GLIS1: variants seen among roughly 807,000 people sequenced by gnomAD.
The protein encoded by GLIS1 is zinc finger protein GLIS1.
GLIS1 carries 24 observed loss-of-function variants against 63.8 expected under a neutral mutation model. The ratio of observed to expected loss-of-function variants is 0.38; its 90% CI spans 0.27 to 0.53. The LOEUF (loss-of-function observed/expected upper bound fraction) is 0.53. Ranked by LOEUF, GLIS1 falls within the 20% of genes least tolerant of loss-of-function variation. GLIS1 has a pLI of 0.85. For missense variants in GLIS1, 1,036 were observed against 1,074.1 expected (o/e 0.96, Z 0.50); for synonymous variants, 450 against 482.5 (o/e 0.93, Z 0.88).
At chr1:53,509,646 T>C (rs560956087) in intron 9 of GLIS1, among the ~76,000 whole-genome samples, 2 of 152,284 alleles carry the variant, frequency 1.3e-5, no homozygotes, top group Admixed American at 6.5e-5. Flanking sequence ...TCTTCCTCAC[T>C]CTCAGAACCA....
chr1:53,542,588 T>C (rs1644654844), intron 4 of GLIS1, among the ~76,000 whole-genome samples: 1 of 152,154 alleles, frequency 6.6e-6, no homozygotes, highest in Non-Finnish European at 1.5e-5. Flanking sequence ...AGAGACCTTG[T>C]GATGAGGAAA....
chr1:53,685,273 C>G (rs1279476041), intron 2 of GLIS1, among the ~76,000 whole-genome samples: 2 of 152,224 alleles, frequency 1.3e-5, no homozygotes, highest in Non-Finnish European at 2.9e-5. Context: ...CTGCCACACA[C>G]CCCTGCACCT....
intron 2 of GLIS1, among the ~76,000 whole-genome samples, chr1:53,673,907 C>G (rs1159942508): frequency 6.6e-6 from 1 of 152,200 alleles, no homozygotes; most frequent in African/African-American, 2.4e-5. Flanking sequence ...AGCGGTGGCT[C>G]ACGCCTGTAA....
At chr1:53,692,428 C>T (rs1464787797) in intron 2 of GLIS1, among the ~76,000 whole-genome samples, 9 of 152,220 alleles carry the variant, frequency 5.9e-5, no homozygotes, top group African/African-American at 1.4e-4. Flanking sequence ...AAGGACGTAA[C>T]GATAACAATA....
intron 10 of GLIS1, 104 bp downstream of exon 10, chr1:53,509,016 C>T: frequency 2.5e-6 from 3 of 1,197,044 alleles, no homozygotes; most frequent in Middle Eastern, 2.9e-4. Context: ...ATGGCCCCAC[C>T]ACATAAGCAT....
intron 4 of GLIS1, among the ~76,000 whole-genome samples, chr1:53,549,189 T>C (rs1478039572): frequency 1.3e-5 from 2 of 152,270 alleles, no homozygotes; most frequent in Admixed American, 6.5e-5. Flanking sequence ...CCTCCATTGA[T>C]GGACATCTAG....
chr1:53,588,000 A>C (rs1451185227), intron 4 of GLIS1, among the ~76,000 whole-genome samples: 2 of 152,150 alleles, frequency 1.3e-5, no homozygotes, highest in East Asian at 3.9e-4. Flanking sequence ...TTGGGCCAGA[A>C]CTGGACTGTC....
intron 2 of GLIS1, among the ~76,000 whole-genome samples, chr1:53,682,307 G>T (rs1646284365): frequency 6.6e-6 from 1 of 152,264 alleles, no homozygotes; most frequent in South Asian, 2.1e-4. Flanking sequence ...CAGGTTGTGT[G>T]TTAGGCATGA....
chr1:53,735,425 C>T (rs187867606), intron 2 of GLIS1, among the ~76,000 whole-genome samples: 3 of 152,330 alleles, frequency 2.0e-5, no homozygotes, highest in Non-Finnish European at 4.4e-5. Flanking sequence ...TTACCTCTCA[C>T]GCAAATGAAA....
intron 2 of GLIS1, among the ~76,000 whole-genome samples, chr1:53,601,789 G>A (rs1462069059): frequency 5.9e-5 from 9 of 152,120 alleles, no homozygotes; most frequent in South Asian, 4.1e-4. Context: ...GTCCACCCCC[G>A]AGGATCCCTG....
At chr1:53,736,945 T>C (rs1184084987) in intron 2 of GLIS1, among the ~76,000 whole-genome samples, 1 of 149,072 alleles carries the variant, frequency 6.7e-6, no homozygotes, top group East Asian at 2.0e-4. Flanking sequence ...CAAATGCAGA[T>C]ATAGTCAAAC....
At position 53,612,633 on chromosome 1, in the gene GLIS1, C is replaced by A. The variant is rs542002211; in HGVS notation, c.260-12355G>T. Among the ~76,000 whole-genome samples the A allele has an allele frequency of 4.3e-4, 65 of 152,244 alleles. 1 individual carries two copies. The highest frequency in any genetic ancestry group is 1.5e-3 in the African/African-American group (61 of 41,526). On this transcript the variant is annotated intron_variant, in intron 2 of 10. Transcript: ENST00000628545. ...AGTAGCCCTTAACTCCAATTTTTGT[C>A]TCCACAGCACAGTAAGGCTATAGAA...
chr1:53,517,050 C>T (rs577111010), intron 7 of GLIS1, among the ~76,000 whole-genome samples: 1 of 152,150 alleles, frequency 6.6e-6, no homozygotes, highest in Admixed American at 6.5e-5. Context: ...CAGTGGGGAA[C>T]ATAATATATT....
chr1:53,690,426 G>A (rs1311155605), intron 2 of GLIS1, among the ~76,000 whole-genome samples: 2 of 152,230 alleles, frequency 1.3e-5, no homozygotes, highest in African/African-American at 4.8e-5. Context: ...GCTGCTTCAG[G>A]AACCAAATCT....
At chr1:53,710,833 G>A (rs1480843861) in intron 2 of GLIS1, among the ~76,000 whole-genome samples, 1 of 152,198 alleles carries the variant, frequency 6.6e-6, no homozygotes, top group Non-Finnish European at 1.5e-5. Context: ...GCATGTGAAT[G>A]TTCCTAAACA....
At position 53,654,067 on chromosome 1, in the gene GLIS1, C is replaced by T. The variant is rs532140942; in HGVS notation, c.260-53789G>A. 5.3e-5 allele frequency among the ~76,000 whole-genome samples: 8 copies of T among 152,352 alleles called. 1 individual carries two copies. In the South Asian group the frequency reaches 1.2e-3, roughly 24 times the overall value. The stretch of plus-strand genomic sequence containing the variant: ...GTGCCAAATTCCACCTAGCTTGGGA[C>T]TGAGACCAGTACACACAAGACCTCA... On this transcript the variant is annotated intron_variant, in intron 2 of 10. Transcript: ENST00000628545.
At chr1:53,615,171 G>T (rs1325102410) in intron 2 of GLIS1, among the ~76,000 whole-genome samples, 1 of 152,090 alleles carries the variant, frequency 6.6e-6, no homozygotes, top group Non-Finnish European at 1.5e-5. Context: ...TAATTTGACG[G>T]CAGGGGTCAG....
chr1:53,571,903 T>C (rs56243226), intron 4 of GLIS1, among the ~76,000 whole-genome samples: 14,296 of 152,050 alleles, frequency 0.094, 780 homozygotes, highest in Middle Eastern at 0.15. Context: ...TAATATTAAG[T>C]GAAAAAACTG....
intron 2 of GLIS1, among the ~76,000 whole-genome samples, chr1:53,719,791 G>C (rs145438587): frequency 1.3e-5 from 2 of 152,104 alleles, no homozygotes; most frequent in African/African-American, 2.4e-5. Context: ...CAGTATAAAG[G>C]TTCCTCAAAA....
Sources: allele counts gnomAD v4.1 joint callset (sites outside exome capture counted in the v4.1 genomes callset), GRCh38; gene constraint gnomAD v4.1.1; transcripts MANE v1.5; gene names NCBI Gene and HGNC (gene_info 2026-07-23, HGNC 2026-07-21).